The following SND1 variants were observed in gnomAD, a reference collection of about 807,000 sequenced individuals.
SND1 encodes the protein staphylococcal nuclease domain-containing protein 1.
Under a neutral mutation model 121.7 loss-of-function variants are expected in SND1, and 38 were observed. The observed-to-expected ratio is 0.31, with a 90% confidence interval of 0.24 to 0.41. The LOEUF is 0.41. SND1 is among the 10% of genes least tolerant of loss of function. SND1 has a pLI of 1.00. For missense variants in SND1, 868 were observed against 1,184.6 expected (o/e 0.73, Z 3.92); for synonymous variants, 401 against 447.4 (o/e 0.90, Z 1.31).
At chr7:127,962,506 T>C (rs1230665805) in intron 15 of SND1, among the ~76,000 whole-genome samples, 1 of 152,244 alleles carries the variant, frequency 6.6e-6, no homozygotes, top group Non-Finnish European at 1.5e-5. Flanking sequence ...TTATCAAATG[T>C]AGACATGCCT....
At chr7:127,796,890 C>CTTTT (rs36078891) in intron 10 of SND1, among the ~76,000 whole-genome samples, 19 of 102,084 alleles carry the variant, frequency 1.9e-4, no homozygotes, top group East Asian at 6.5e-4. Flanking sequence ...TTTCCTGAGT[C>CTTTT]TTTTTTTTTT....
chr7:127,824,468 C>G (rs934504225), intron 11 of SND1, among the ~76,000 whole-genome samples: 6 of 152,186 alleles, frequency 3.9e-5, no homozygotes, highest in Non-Finnish European at 7.4e-5. Context: ...TTCCTTCTTG[C>G]TACCTGATTC....
chr7:127,952,225 T>C (rs2116856178), intron 15 of SND1, among the ~76,000 whole-genome samples: 1 of 152,364 alleles, frequency 6.6e-6, no homozygotes, highest in African/African-American at 2.4e-5. Context: ...TATATTCTTA[T>C]ATATAAGTTT....
chr7:128,039,390 G>A (rs1309705499), intron 16 of SND1, among the ~76,000 whole-genome samples: 2 of 152,156 alleles, frequency 1.3e-5, no homozygotes, highest in East Asian at 1.9e-4. Flanking sequence ...TATCCCACGT[G>A]GGTAAGAGCT....
At chr7:127,686,841 A>C (rs1795822833) in intron 2 of SND1, 79 bp downstream of exon 2, 1 of 1,455,962 alleles carries the variant, frequency 6.9e-7, no homozygotes, top group Non-Finnish European at 9.5e-7. Context: ...TGCCATTTTG[A>C]TGTACTCTTT....
chr7:127,835,973 C>T (rs555207737), intron 11 of SND1, among the ~76,000 whole-genome samples: 3 of 152,192 alleles, frequency 2.0e-5, no homozygotes, highest in Non-Finnish European at 4.4e-5. Context: ...CTAATGGCCC[C>T]TTACCTAAAA....
intron 12 of SND1, among the ~76,000 whole-genome samples, chr7:127,884,938 T>G (rs1357363144): frequency 6.6e-6 from 1 of 152,164 alleles, no homozygotes; most frequent in East Asian, 1.9e-4. Context: ...TTGATATTCC[T>G]TAGTGTAACC....
Position 127,991,047 on chromosome 7 carries a change from G to A in SND1, c.1770G>A (p.Leu590=), listed in dbSNP as rs943414671. ...EATLFTKELV[L]QREVEVEVES... ...CACTTTTCACCAAGGAACTGGTGCTGCAGCGAGAGGTAGGACATCTTCCTG... is the reference window on the plus strand; with the variant it reads ...CACTTTTCACCAAGGAACTGGTGCTACAGCGAGAGGTAGGACATCTTCCTG... The change falls in exon 16 of 24, where the codon CTG becomes CTA. Residue 590 remains leucine (L), a synonymous_variant. Coordinates refer to ENST00000354725, the MANE Select transcript of SND1 (RefSeq NM_014390.4). 2 of 1,611,264 alleles carry A rather than the reference G, an allele frequency of 1.2e-6. No homozygotes were observed. Among genetic ancestry groups the A allele is most frequent in the African/African-American group, 2.7e-5 (2 of 74,878 alleles).
At chr7:127,694,319 A>G (rs1179251275) in intron 2 of SND1, among the ~76,000 whole-genome samples, 1 of 152,224 alleles carries the variant, frequency 6.6e-6, no homozygotes, top group Non-Finnish European at 1.5e-5. Flanking sequence ...GGCTAGTTTA[A>G]TAGGCAGTGA....
chr7:128,066,514 T>A (rs946689265), intron 16 of SND1, among the ~76,000 whole-genome samples: 18 of 152,248 alleles, frequency 1.2e-4, no homozygotes, highest in Non-Finnish European at 1.3e-4. Context: ...AAATCCGTGC[T>A]GCTGCCTGCC....
chr7:127,801,400 C>T (rs1010009910), intron 10 of SND1, among the ~76,000 whole-genome samples: 5 of 152,190 alleles, frequency 3.3e-5, no homozygotes, highest in East Asian at 1.9e-4. Context: ...TTTGCCAATT[C>T]ATCTATGGGT....
chr7:127,881,052 T>C (rs530512523), intron 12 of SND1, among the ~76,000 whole-genome samples: 3 of 152,242 alleles, frequency 2.0e-5, no homozygotes, highest in African/African-American at 7.2e-5. Flanking sequence ...TTTTCATCTA[T>C]AGTTCTGAGG....
intron 10 of SND1, among the ~76,000 whole-genome samples, chr7:127,765,508 G>C (rs1027680487): frequency 6.6e-6 from 1 of 152,146 alleles, no homozygotes; most frequent in Non-Finnish European, 1.5e-5. Context: ...CTTAGTAATT[G>C]GTAAAACTTG....
At position 127,929,355 on chromosome 7, in the gene SND1, T is replaced by A. The variant is rs1230272472; in HGVS notation, c.1669+26T>A. 1.9e-6 allele frequency: 3 copies of A among 1,613,022 alleles called. No homozygotes were observed. The African/African-American group carries it at 4.0e-5, about 22-fold the overall frequency. ...GTAAGTCTTATGTGTTACATGTTAC[T>A]CTGAGCTCAGAAGTCATCCCTGGAA... On this transcript the variant is annotated intron_variant, in intron 15 of 23. Coordinates refer to ENST00000354725, the MANE Select transcript of SND1 (RefSeq NM_014390.4).
chr7:128,091,763 C>A, intron 22 of SND1, 74 bp from the exon 23 acceptor site: 2 of 1,503,814 alleles, frequency 1.3e-6, no homozygotes, highest in Non-Finnish European at 1.9e-6. Flanking sequence ...CTTACCTAAG[C>A]ATTCTGCAGG....
At chr7:127,751,985 T>G (rs923518529) in intron 10 of SND1, among the ~76,000 whole-genome samples, 1 of 152,252 alleles carries the variant, frequency 6.6e-6, no homozygotes, top group Non-Finnish European at 1.5e-5. Flanking sequence ...GCTGGCACGC[T>G]TGCCTCTTCC....
At chr7:127,926,001 T>C (rs2116811969) in intron 14 of SND1, among the ~76,000 whole-genome samples, 1 of 152,216 alleles carries the variant, frequency 6.6e-6, no homozygotes, top group East Asian at 1.9e-4. Context: ...CATTGCTACT[T>C]GCACTCTCTC....
chr7:127,802,607 A>G lies in SND1; in HGVS notation c.1153-4877A>G, dbSNP rs562790873. Among the ~76,000 whole-genome samples, 4 of 152,122 alleles carry G rather than the reference A, an allele frequency of 2.6e-5. No individual in the cohort carries two copies. The South Asian group carries it at 8.3e-4, about 32-fold the overall frequency. On this transcript the variant is annotated intron_variant, in intron 10 of 23. Transcript: ENST00000354725. ...TTGCTCCTTCTCAGTCTCCTGTTGC[A>G]TATTCATGACCTTTTAATGTTAGAA...
At chr7:127,828,755 T>G (rs1046390110) in intron 11 of SND1, among the ~76,000 whole-genome samples, 3 of 152,222 alleles carry the variant, frequency 2.0e-5, no homozygotes, top group African/African-American at 4.8e-5. Context: ...AAATGTTACC[T>G]CCAGAGCAAA....
Sources: allele counts gnomAD v4.1 joint callset (sites outside exome capture counted in the v4.1 genomes callset), GRCh38; gene constraint gnomAD v4.1.1; transcripts MANE v1.5; gene names NCBI Gene and HGNC (gene_info 2026-07-23, HGNC 2026-07-21).